The following CCDC91 variants were observed in gnomAD, a reference collection of about 807,000 sequenced individuals.
CCDC91 encodes coiled-coil domain containing 91.
CCDC91 carries 48 observed loss-of-function variants against 63.2 expected under a neutral mutation model. The observed-to-expected ratio is 0.76, with a 90% CI of 0.60 to 0.97. The LOEUF (loss-of-function observed/expected upper bound fraction) is 0.97. CCDC91 is among the 50% of genes least tolerant of loss of function. The probability of loss-of-function intolerance (pLI) is 0.00; values close to 1 mark genes in which losing one functional copy is unlikely to be tolerated. For synonymous variants in CCDC91, 167 were observed against 165.8 expected, an observed-to-expected ratio of 1.01 and a Z score of -0.06; for missense variants, 500 against 494.6, an observed-to-expected ratio of 1.01 and a Z score of -0.10.
intron 1 of CCDC91, among the ~76,000 whole-genome samples, chr12:28,201,031 G>A (rs1359729918): frequency 1.3e-5 from 2 of 148,310 alleles, no homozygotes; most frequent in African/African-American, 2.5e-5. Context: ...CCCGGATGGG[G>A]CGGCTGGCCG....
chr12:28,399,663 C>G (rs1353720811), intron 8 of CCDC91, among the ~76,000 whole-genome samples: 2 of 152,210 alleles, frequency 1.3e-5, no homozygotes, highest in Non-Finnish European at 2.9e-5. Context: ...AATGGAGATA[C>G]AGACATTGGA....
intron 12 of CCDC91, among the ~76,000 whole-genome samples, chr12:28,510,311 G>T (rs1939237477): frequency 6.7e-6 from 1 of 150,132 alleles, no homozygotes; most frequent in South Asian, 2.1e-4. Flanking sequence ...AGGCTGAGAA[G>T]TCCTAAGATC....
chr12:28,432,550 CTG>C (rs1268036867), intron 8 of CCDC91, among the ~76,000 whole-genome samples: 1 of 152,092 alleles, frequency 6.6e-6, no homozygotes, highest in Non-Finnish European at 1.5e-5. Flanking sequence ...CCATGTGGAA[CTG>C]TGAATCAATT....
chr12:28,203,872 C>A (rs1055196090), intron 1 of CCDC91, among the ~76,000 whole-genome samples: 1 of 151,912 alleles, frequency 6.6e-6, no homozygotes, highest in Non-Finnish European at 1.5e-5. Flanking sequence ...AATTGAATTG[C>A]CAAAATGATT....
chr12:28,376,041 T>C (rs11049563), intron 7 of CCDC91, among the ~76,000 whole-genome samples: 30,635 of 151,738 alleles, frequency 0.2, 4,062 homozygotes, highest in Non-Finnish European at 0.3. Flanking sequence ...AAAATGCATA[T>C]GCCAAGGAGT....
intron 6 of CCDC91, among the ~76,000 whole-genome samples, chr12:28,322,758 A>G (rs1414789272): frequency 6.6e-6 from 1 of 151,784 alleles, no homozygotes; most frequent in East Asian, 1.9e-4. Flanking sequence ...TTCTAGACAG[A>G]TAGTATTAAC....
At chr12:28,534,101 G>T (rs1385684745) in intron 12 of CCDC91, among the ~76,000 whole-genome samples, 1 of 151,966 alleles carries the variant, frequency 6.6e-6, no homozygotes, top group Non-Finnish European at 1.5e-5. Context: ...ATTCATTGTA[G>T]CAGTATGAGT....
intron 1 of CCDC91, among the ~76,000 whole-genome samples, chr12:28,206,146 A>G (rs1385079243): frequency 6.6e-6 from 1 of 152,184 alleles, no homozygotes; most frequent in African/African-American, 2.4e-5. Flanking sequence ...ATTCAGCATG[A>G]GCAACTCCAG....
chr12:28,532,445 A>G (rs772255283), intron 12 of CCDC91, among the ~76,000 whole-genome samples: 1 of 152,114 alleles, frequency 6.6e-6, no homozygotes, highest in South Asian at 2.1e-4. Flanking sequence ...TAGTTTTTAA[A>G]TATCTATATA....
intron 6 of CCDC91, among the ~76,000 whole-genome samples, chr12:28,329,604 CATT>C (rs1254788553): frequency 7.2e-5 from 11 of 151,866 alleles, no homozygotes; most frequent in Non-Finnish European, 1.5e-4. Flanking sequence ...ATATTAAGGA[CATT>C]ATTAAGGATT....
chr12:28,440,680 T>C (rs753928449), intron 8 of CCDC91, among the ~76,000 whole-genome samples: 3 of 152,064 alleles, frequency 2.0e-5, no homozygotes, highest in African/African-American at 2.4e-5. Context: ...ATGAAACATA[T>C]ATCTGACAAA....
At chr12:28,269,435 C>T (rs1325071516) in intron 3 of CCDC91, among the ~76,000 whole-genome samples, 3 of 152,142 alleles carry the variant, frequency 2.0e-5, no homozygotes, top group East Asian at 1.9e-4. Context: ...GGGATGTTTT[C>T]AGTTCTCTCT....
At chr12:28,298,884 T>C (rs1215627244) in intron 3 of CCDC91, among the ~76,000 whole-genome samples, 3 of 151,464 alleles carry the variant, frequency 2.0e-5, no homozygotes, top group Non-Finnish European at 4.4e-5. Flanking sequence ...ATTTTGTCTC[T>C]AAGATTCAGT....
chr12:28,225,960 C>T (rs554215877), intron 1 of CCDC91: 1 of 152,280 alleles, frequency 6.6e-6, no homozygotes, highest in Admixed American at 6.5e-5. Flanking sequence ...ATCTTGCTTC[C>T]AGCCTGTTGG....
At chr12:28,396,679 T>G (rs1026077354) in intron 8 of CCDC91, among the ~76,000 whole-genome samples, 11 of 150,864 alleles carry the variant, frequency 7.3e-5, no homozygotes, top group South Asian at 4.2e-4. Flanking sequence ...TGTGTGTGTG[T>G]GGGCATGTGT....
intron 12 of CCDC91, among the ~76,000 whole-genome samples, chr12:28,525,707 C>T (rs969366785): frequency 6.6e-6 from 1 of 151,780 alleles, no homozygotes; most frequent in Non-Finnish European, 1.5e-5. Context: ...GTATTTAAGT[C>T]CCCCCACTAT....
chr12:28,497,145 T>G (rs1952346695), intron 12 of CCDC91, among the ~76,000 whole-genome samples: 1 of 151,230 alleles, frequency 6.6e-6, no homozygotes, highest in Non-Finnish European at 1.5e-5. Flanking sequence ...CTAGATGAGA[T>G]TTCCATTGTT....
intron 12 of CCDC91, among the ~76,000 whole-genome samples, chr12:28,529,535 A>C (rs1406207410): frequency 6.6e-6 from 1 of 152,216 alleles, no homozygotes; most frequent in Non-Finnish European, 1.5e-5. Flanking sequence ...CTCAACCCAC[A>C]GGATTAAGAA....
chr12:28,205,650 A>G (rs1325096688), intron 1 of CCDC91, among the ~76,000 whole-genome samples: 2 of 152,176 alleles, frequency 1.3e-5, no homozygotes, highest in Non-Finnish European at 2.9e-5. Context: ...GGTATAGAAC[A>G]TTTGGATTGG....
Sources: allele counts gnomAD v4.1 joint callset (sites outside exome capture counted in the v4.1 genomes callset), GRCh38; gene constraint gnomAD v4.1.1; transcripts MANE v1.5; gene names NCBI Gene and HGNC (gene_info 2026-07-23, HGNC 2026-07-21).